Variants in ARL6IP6 observed in about 807,000 individuals in gnomAD.
The protein encoded by ARL6IP6 is ARF like GTPase 6 interacting protein 6.
Under a neutral mutation model 21.5 loss-of-function variants are expected in ARL6IP6, and 22 were observed. The ratio of observed to expected loss-of-function variants is 1.02; its 90% CI spans 0.73 to 1.46. ARL6IP6 has a LOEUF of 1.46. ARL6IP6 is among the 40% of genes most tolerant of loss of function. ARL6IP6 has a pLI of 0.00. For missense variants in ARL6IP6, 388 were observed against 299.8 expected (o/e 1.29, Z -2.17); for synonymous variants, 164 against 125.3 (o/e 1.31, Z -2.06).
At chr2:152,738,986 CTT>C (rs201433159) in intron 3 of ARL6IP6, among the ~76,000 whole-genome samples, 2 of 144,146 alleles carry the variant, frequency 1.4e-5, no homozygotes, top group Non-Finnish European at 1.5e-5. Context: ...AAACTGAATG[CTT>C]TTTTTTTTTT....
chr2:152,759,735 CT>C lies in ARL6IP6; in HGVS notation c.588-5del. On this transcript the variant is annotated splice_polypyrimidine_tract_variant and intron_variant, in intron 3 of 3. Transcript: ENST00000326446. ...TTTTTCTTTTTTGATTTGTGTTTTTCTTTTTTTCTAGGAAACTGACTGGACA... is the reference window on the plus strand; with the variant it reads ...TTTTTCTTTTTTGATTTGTGTTTTTCTTTTTTCTAGGAAACTGACTGGACA... 1 of 1,606,534 alleles carries C rather than the reference CT, an allele frequency of 6.2e-7. No homozygotes were observed. Among genetic ancestry groups the C allele is most frequent in the Non-Finnish European group, 8.5e-7 (1 of 1,174,732 alleles).
At chr2:152,735,319 A>G (rs1057352233) in intron 3 of ARL6IP6, among the ~76,000 whole-genome samples, 193 bp downstream of exon 3, 1 of 152,224 alleles carries the variant, frequency 6.6e-6, no homozygotes, top group African/African-American at 2.4e-5. Context: ...TTCTATATCT[A>G]GATAATGCTT....
intron 3 of ARL6IP6, among the ~76,000 whole-genome samples, chr2:152,740,595 A>G (rs1021662911): frequency 3.3e-5 from 5 of 151,998 alleles, no homozygotes; most frequent in African/African-American, 4.8e-5. Flanking sequence ...ATATTTGTGT[A>G]TGTGTATATA....
At chr2:152,731,501 A>G (rs1700310032) in intron 2 of ARL6IP6, among the ~76,000 whole-genome samples, 1 of 152,160 alleles carries the variant, frequency 6.6e-6, no homozygotes, top group South Asian at 2.1e-4. Flanking sequence ...TGAGGCATGG[A>G]ACACACTCTC....
At chr2:152,738,550 C>T (rs1430499236) in intron 3 of ARL6IP6, among the ~76,000 whole-genome samples, 3 of 152,248 alleles carry the variant, frequency 2.0e-5, no homozygotes, top group African/African-American at 7.2e-5. Context: ...TTCTTGACTT[C>T]TGTGCACCTG....
rs547292675 is a variant in ARL6IP6, at chr2:152,723,014, T to C, written c.454+2428T>C. 3.3e-5 allele frequency among the ~76,000 whole-genome samples: 5 copies of C among 152,346 alleles called. No individual in the cohort carries two copies. The South Asian group carries it at 1.0e-3, about 32-fold the overall frequency. On this transcript the variant is annotated intron_variant, in intron 2 of 3. Transcript: ENST00000326446. ...AATACAAGTTAGCCTATTTACAGAA[T>C]GTTTTGAATTGACTCCTGTCCTCTG... is the stretch of plus-strand genomic sequence containing the variant.
chr2:152,719,227 G>A (rs1353790727), intron 1 of ARL6IP6, among the ~76,000 whole-genome samples: 2 of 152,118 alleles, frequency 1.3e-5, no homozygotes, highest in East Asian at 3.9e-4. Flanking sequence ...ATCAGGAGAC[G>A]TATTTTTAAA....
intron 1 of ARL6IP6, 61 bp downstream of exon 1, chr2:152,719,085 C>T (rs752242715): frequency 2.0e-4 from 293 of 1,436,654 alleles, no homozygotes; most frequent in Non-Finnish European, 2.5e-4. Context: ...GTGTGGCTCT[C>T]GTCTCCACCC....
At chr2:152,757,786 A>C (rs1376045816) in intron 3 of ARL6IP6, among the ~76,000 whole-genome samples, 1 of 152,246 alleles carries the variant, frequency 6.6e-6, no homozygotes, top group Non-Finnish European at 1.5e-5. Context: ...GATGACAAAG[A>C]CTAGGAACCA....
At position 152,720,509 on chromosome 2, in the gene ARL6IP6, C is replaced by T. The variant is rs749748235; in HGVS notation, c.401-24C>T. 1.9e-6 allele frequency: 3 copies of T among 1,608,942 alleles called. No homozygotes were observed. The South Asian group carries it at 3.3e-5, about 18-fold the overall frequency. On this transcript the variant is annotated intron_variant, in intron 1 of 3. Transcript: ENST00000326446. ...TCAAATTATAGTATTGCTTTCCTAC[C>T]TAAGTCCCTCTTTGTATTTGCAGAG...
chr2:152,748,409 T>G (rs1312623739), intron 3 of ARL6IP6, among the ~76,000 whole-genome samples: 1 of 152,230 alleles, frequency 6.6e-6, no homozygotes, highest in Non-Finnish European at 1.5e-5. Context: ...AGTTTCAGGT[T>G]TAGTGTTAAG....
intron 3 of ARL6IP6, among the ~76,000 whole-genome samples, chr2:152,748,734 C>G (rs1701174307): frequency 1.3e-5 from 2 of 152,150 alleles, no homozygotes; most frequent in African/African-American, 4.8e-5. Flanking sequence ...TTTTAAATTA[C>G]AAGAGTTCTG....
At chr2:152,724,409 T>C (rs1699939929) in intron 2 of ARL6IP6, among the ~76,000 whole-genome samples, 1 of 152,212 alleles carries the variant, frequency 6.6e-6, no homozygotes, top group Non-Finnish European at 1.5e-5. Context: ...TCAATGTTAT[T>C]TTCTTCTAAA....
intron 3 of ARL6IP6, among the ~76,000 whole-genome samples, chr2:152,747,559 TTC>T (rs909200992): frequency 2.0e-5 from 3 of 152,006 alleles, no homozygotes; most frequent in Non-Finnish European, 4.4e-5. Flanking sequence ...CCTTACTCAT[TTC>T]TCTCTCTTTT....
chr2:152,736,069 A>G (rs1200834942), intron 3 of ARL6IP6, among the ~76,000 whole-genome samples: 2 of 152,106 alleles, frequency 1.3e-5, no homozygotes, highest in Non-Finnish European at 2.9e-5. Context: ...ATATGTATAC[A>G]TTTTTAGTGT....
At chr2:152,736,605 T>C in intron 3 of ARL6IP6, among the ~76,000 whole-genome samples, 1 of 152,224 alleles carries the variant, frequency 6.6e-6, no homozygotes, top group Non-Finnish European at 1.5e-5. Context: ...CTAGTGTACT[T>C]GACTTCTTGG....
chr2:152,741,327 A>G (rs1368086774), intron 3 of ARL6IP6, among the ~76,000 whole-genome samples: 1 of 152,082 alleles, frequency 6.6e-6, no homozygotes, highest in Non-Finnish European at 1.5e-5. Context: ...GTAAGAGAGT[A>G]AAATAAATCA....
intron 2 of ARL6IP6, among the ~76,000 whole-genome samples, chr2:152,723,007 T>C (rs1314640404): frequency 2.0e-5 from 3 of 152,234 alleles, no homozygotes; most frequent in Non-Finnish European, 2.9e-5. Flanking sequence ...TTAGCCTATT[T>C]ACAGAATGTT....
At chr2:152,748,584 C>G (rs1347490504) in intron 3 of ARL6IP6, among the ~76,000 whole-genome samples, 1 of 152,210 alleles carries the variant, frequency 6.6e-6, no homozygotes, top group Non-Finnish European at 1.5e-5. Flanking sequence ...TCTTGCTCAT[C>G]CCTTCTCCCT....
Sources: allele counts gnomAD v4.1 joint callset (sites outside exome capture counted in the v4.1 genomes callset), GRCh38; gene constraint gnomAD v4.1.1; transcripts MANE v1.5; gene names NCBI Gene and HGNC (gene_info 2026-07-23, HGNC 2026-07-21).